The following RAB31 variants were observed in gnomAD, a reference collection of about 807,000 sequenced individuals.
RAB31 encodes RAB31, member RAS oncogene family, also known as ras-related protein Rab-31.
Under a neutral mutation model 25.6 loss-of-function variants are expected in RAB31, and 21 were observed. The observed-to-expected ratio is 0.82, with a 90% CI of 0.58 to 1.18. The LOEUF is 1.18. Among genes scored for constraint, RAB31 ranks in the 50% most tolerant of loss-of-function variants. The probability of loss-of-function intolerance (pLI) is 0.00; values close to 1 mark genes in which losing one functional copy is unlikely to be tolerated. For missense variants in RAB31, 196 were observed against 250.1 expected (o/e 0.78, Z 1.46); for synonymous variants, 87 against 84.0 (o/e 1.04, Z -0.20).
In RAB31 at chr18:9,775,962, G is replaced by A. The variant is rs542586280; in HGVS notation, c.119+605G>A. On this transcript the variant is annotated intron_variant, in intron 2 of 6. Transcript: ENST00000578921. ...CACCACCATGCCTGGCTATTTTTTT[G>A]TATTTTTAGTAGAGATGGGGTTTCA... 2.6e-5 allele frequency among the ~76,000 whole-genome samples: 4 copies of A among 152,020 alleles called. No homozygotes were observed. In the South Asian group the frequency reaches 6.2e-4, roughly 24 times the overall value.
chr18:9,770,728 C>T (rs1046361899), intron 1 of RAB31, among the ~76,000 whole-genome samples: 15 of 152,164 alleles, frequency 9.9e-5, no homozygotes, highest in African/African-American at 3.6e-4. Flanking sequence ...TAATTTGAGC[C>T]CCTTTCATTA....
intron 3 of RAB31, among the ~76,000 whole-genome samples, chr18:9,810,049 A>C (rs1168881805): frequency 6.6e-6 from 1 of 152,200 alleles, no homozygotes. Flanking sequence ...TAAGGACATA[A>C]ACAGCTATTT....
At chr18:9,813,741 A>G (rs1046145559) in intron 3 of RAB31, among the ~76,000 whole-genome samples, 7 of 152,106 alleles carry the variant, frequency 4.6e-5, no homozygotes, top group African/African-American at 1.4e-4. Context: ...AATCCTGGCT[A>G]CTCAGGAAGC....
At chr18:9,754,802 C>T (rs922180645) in intron 1 of RAB31, among the ~76,000 whole-genome samples, 5 of 152,116 alleles carry the variant, frequency 3.3e-5, no homozygotes, top group East Asian at 1.9e-4. Flanking sequence ...CCCAGGATAC[C>T]GAGGGACAAC....
rs10685568 is a variant in RAB31, at chr18:9,731,596, C to CTTTTTTTT, written c.39+23164_39+23171dup. ...AGATGAGAACCTTTCTGGGAATTTG[C>CTTTTTTTT]TTTTTTTTTTTTTTTTTTTGAGGCA... On this transcript the variant is annotated intron_variant, in intron 1 of 6. Coordinates refer to ENST00000578921, the MANE Select transcript of RAB31 (RefSeq NM_006868.4). Among the ~76,000 whole-genome samples, 12 of 107,614 alleles carry CTTTTTTTT rather than the reference C, an allele frequency of 1.1e-4. 1 individual carries two copies. Among genetic ancestry groups the CTTTTTTTT allele is most frequent in the African/African-American group, 1.9e-4 (5 of 26,638 alleles). 70.6% of individuals were successfully genotyped at this position (107,614 alleles called of 152,430 possible).
intron 5 of RAB31, among the ~76,000 whole-genome samples, chr18:9,829,887 G>C (rs2068668579): frequency 6.6e-6 from 1 of 151,178 alleles, no homozygotes; most frequent in Non-Finnish European, 1.5e-5. Flanking sequence ...TTATTTTTAG[G>C]ATTTAAAAAA....
chr18:9,775,476 T>A lies in RAB31; in HGVS notation c.119+119T>A, dbSNP rs2068367662. On this transcript the variant is annotated intron_variant, in intron 2 of 6. Coordinates refer to ENST00000578921, the MANE Select transcript of RAB31 (RefSeq NM_006868.4). Reference sequence around the variant, plus strand: ...CAGTTTTCATCCCAGCCAGTGAGAATCAATCCCAGCTGTAGACCGACAGAA... The same window carrying A: ...CAGTTTTCATCCCAGCCAGTGAGAAACAATCCCAGCTGTAGACCGACAGAA... 3 of 1,515,500 alleles carry A rather than the reference T, an allele frequency of 2.0e-6. No homozygotes were observed. In the South Asian group the frequency reaches 3.7e-5, roughly 19 times the overall value. The allele number at this position is 1,515,500 out of a possible 1,614,324, so 93.9% of individuals were successfully genotyped here. A position where few individuals can be genotyped will look rare whatever the true frequency, so the allele number is the denominator to read the frequency against.
In RAB31 at chr18:9,862,336, T is replaced by C. The variant is rs980164853; in HGVS notation, c.*3011T>C. 6.6e-6 allele frequency: 1 copy of C among 152,274 alleles called. No homozygotes were observed. The highest frequency in any genetic ancestry group is 2.4e-5 in the African/African-American group (1 of 41,476). 9.4% of individuals were successfully genotyped at this position (152,274 alleles called of 1,614,324 possible). A position where few individuals can be genotyped will look rare whatever the true frequency, so the allele number is the denominator to read the frequency against. On this transcript the variant is annotated 3_prime_UTR_variant, in exon 7 of 7. Transcript: ENST00000578921. ...CTGTAGTCCAGTGGTGCTGCCCTGT[T>C]GTGCAAACTGCTCCTTTTTCTCGTG...
At chr18:9,743,754 C>G (rs991497108) in intron 1 of RAB31, among the ~76,000 whole-genome samples, 1 of 152,248 alleles carries the variant, frequency 6.6e-6, no homozygotes, top group Non-Finnish European at 1.5e-5. Context: ...CACCATGTTT[C>G]GCCATCTTGC....
intron 6 of RAB31, among the ~76,000 whole-genome samples, chr18:9,852,578 A>T (rs2068794432): frequency 1.4e-5 from 2 of 148,036 alleles, no homozygotes; most frequent in African/African-American, 2.5e-5. Flanking sequence ...GACAATATGG[A>T]TTTTGCTGAG....
At chr18:9,770,630 A>C (rs2145488278) in intron 1 of RAB31, among the ~76,000 whole-genome samples, 1 of 152,314 alleles carries the variant, frequency 6.6e-6, no homozygotes, top group Admixed American at 6.5e-5. Flanking sequence ...ATGAAACACT[A>C]TCTGGCCCAC....
In RAB31 at chr18:9,859,094, G is replaced by T. The variant is rs2068833866; in HGVS notation, c.491-134G>T. ...AGGGAGGAAGGAAAGGAAGGAAGGA[G>T]AAAGGAGCCCCTCCAGGAACACCTT... is the stretch of plus-strand genomic sequence containing the variant. On this transcript the variant is annotated intron_variant, in intron 6 of 6. Transcript: ENST00000578921. 6 of 683,138 alleles carry T rather than the reference G, an allele frequency of 8.8e-6. No homozygotes were observed. In the East Asian group the frequency reaches 1.7e-4, roughly 19 times the overall value. 42.3% of individuals were successfully genotyped at this position (683,138 alleles called of 1,614,324 possible).
intron 5 of RAB31, among the ~76,000 whole-genome samples, chr18:9,831,278 G>A (rs537524888): frequency 3.3e-5 from 5 of 152,248 alleles, no homozygotes; most frequent in East Asian, 1.9e-4. Flanking sequence ...TTGCTCAAAC[G>A]GTTCCAACTT....
intron 1 of RAB31, among the ~76,000 whole-genome samples, chr18:9,768,859 G>A (rs537969499): frequency 1.5e-4 from 23 of 152,274 alleles, no homozygotes; most frequent in Non-Finnish European, 2.5e-4. Flanking sequence ...TCCATCTTGA[G>A]TTAACTTTTG....
intron 1 of RAB31, among the ~76,000 whole-genome samples, chr18:9,714,190 C>G (rs538092454): frequency 6.6e-6 from 1 of 152,320 alleles, no homozygotes; most frequent in African/African-American, 2.4e-5. Context: ...GATGCTAGGA[C>G]AGTGGTCCCC....
At chr18:9,745,688 T>C (rs1383607404) in intron 1 of RAB31, among the ~76,000 whole-genome samples, 6 of 152,206 alleles carry the variant, frequency 3.9e-5, no homozygotes, top group Non-Finnish European at 8.8e-5. Context: ...AAACACCACC[T>C]GATCCTTTCA....
chr18:9,797,033 T>C (rs1317040438), intron 3 of RAB31, among the ~76,000 whole-genome samples: 1 of 152,250 alleles, frequency 6.6e-6, no homozygotes, highest in Non-Finnish European at 1.5e-5. Context: ...GAAAGTCTTC[T>C]ATTTTTCTGC....
At chr18:9,776,357 G>A (rs2068372293) in intron 2 of RAB31, among the ~76,000 whole-genome samples, 1 of 152,078 alleles carries the variant, frequency 6.6e-6, no homozygotes, top group Non-Finnish European at 1.5e-5. Flanking sequence ...TGTATGTTTT[G>A]GGAAACCTGT....
intron 6 of RAB31, among the ~76,000 whole-genome samples, chr18:9,854,616 G>T (rs893512507): frequency 7.2e-5 from 11 of 152,268 alleles, no homozygotes; most frequent in South Asian, 2.1e-4. Context: ...ATAGCATGTA[G>T]CGCGTTCCTC....
Sources: allele counts gnomAD v4.1 joint callset (sites outside exome capture counted in the v4.1 genomes callset), GRCh38; gene constraint gnomAD v4.1.1; transcripts MANE v1.5; gene names NCBI Gene and HGNC (gene_info 2026-07-23, HGNC 2026-07-21).